AATF: variants seen among roughly 807,000 people sequenced by gnomAD.
The protein encoded by AATF is apoptosis antagonizing transcription factor, also known as protein AATF.
AATF carries 48 observed loss-of-function variants against 63.7 expected under a neutral mutation model. The observed-to-expected ratio is 0.75, with a 90% CI of 0.60 to 0.96. The LOEUF is 0.96. Among genes scored for constraint, AATF ranks in the 40% least tolerant of loss-of-function variants. AATF has a pLI of 0.00. For missense variants in AATF, 639 were observed against 685.7 expected (o/e 0.93, Z 0.76); for synonymous variants, 258 against 247.7 (o/e 1.04, Z -0.39).
intron 11 of AATF, among the ~76,000 whole-genome samples, chr17:37,047,064 A>G (rs1450335250): frequency 3.3e-5 from 5 of 152,210 alleles, no homozygotes; most frequent in Non-Finnish European, 7.3e-5. Flanking sequence ...AGAGCTCTGC[A>G]TCCCAGGTCC....
intron 9 of AATF, among the ~76,000 whole-genome samples, chr17:37,020,281 A>G (rs2071459175): frequency 6.6e-6 from 1 of 152,114 alleles, no homozygotes; most frequent in African/African-American, 2.4e-5. Context: ...GATAATAAAG[A>G]ATTATTGTTG....
chr17:37,017,197 C>G (rs912042786), intron 8 of AATF, among the ~76,000 whole-genome samples: 1 of 152,152 alleles, frequency 6.6e-6, no homozygotes, highest in African/African-American at 2.4e-5. Context: ...CTCAAGGGAT[C>G]TGAGAAAATT....
chr17:37,034,602 A>G (rs2071576260), intron 11 of AATF: 2 of 152,214 alleles, frequency 1.3e-5, no homozygotes, highest in African/African-American at 4.8e-5. Context: ...AGGACTTTAT[A>G]AGAATGACCA....
chr17:37,024,088 G>T (rs995274081), intron 10 of AATF, among the ~76,000 whole-genome samples: 10 of 152,096 alleles, frequency 6.6e-5, no homozygotes, highest in Non-Finnish European at 1.0e-4. Flanking sequence ...AAGTATTTTT[G>T]ATCCATGGTT....
chr17:37,001,446 AG>A (rs2071296360), intron 8 of AATF, among the ~76,000 whole-genome samples: 16 of 135,180 alleles, frequency 1.2e-4, no homozygotes, highest in African/African-American at 4.2e-4. Flanking sequence ...GAAGGAAGGA[AG>A]GAAGGAAGAA....
chr17:36,992,954 T>C (rs950930394), intron 8 of AATF, among the ~76,000 whole-genome samples: 2 of 152,200 alleles, frequency 1.3e-5, no homozygotes, highest in African/African-American at 2.4e-5. Context: ...TGACACTTGT[T>C]AATGTACAGC....
intron 8 of AATF, among the ~76,000 whole-genome samples, chr17:37,008,929 C>T (rs1396321687): frequency 2.1e-4 from 32 of 152,048 alleles, no homozygotes; most frequent in Admixed American, 2.1e-3. Flanking sequence ...AGTAAAAGGA[C>T]CAACTTAAAG....
chr17:36,950,688 G>A (rs912317731), intron 2 of AATF, among the ~76,000 whole-genome samples: 4 of 152,114 alleles, frequency 2.6e-5, no homozygotes, highest in African/African-American at 7.2e-5. Flanking sequence ...TAGTAGAGAC[G>A]GGGTTTGTCC....
At chr17:36,962,497 G>C (rs1298284167) in intron 4 of AATF, among the ~76,000 whole-genome samples, 1 of 152,096 alleles carries the variant, frequency 6.6e-6, no homozygotes, top group Non-Finnish European at 1.5e-5. Flanking sequence ...AATCTAGCTA[G>C]AAAATGCATT....
At chr17:36,964,034 A>G (rs1271068916) in intron 4 of AATF, among the ~76,000 whole-genome samples, 1 of 151,096 alleles carries the variant, frequency 6.6e-6, no homozygotes, top group African/African-American at 2.5e-5. Flanking sequence ...TAATTTTAAA[A>G]AAGAAACAAA....
chr17:37,037,896 T>C (rs1279826752), intron 11 of AATF, among the ~76,000 whole-genome samples: 4 of 152,174 alleles, frequency 2.6e-5, no homozygotes, highest in Non-Finnish European at 2.9e-5. Flanking sequence ...TAGCAGTGTG[T>C]GGCTTCTCCC....
At chr17:37,011,573 G>A (rs901052180) in intron 8 of AATF, among the ~76,000 whole-genome samples, 2 of 152,302 alleles carry the variant, frequency 1.3e-5, no homozygotes, top group African/African-American at 4.8e-5. Context: ...GTTCTTGGGG[G>A]AAACCCTGTG....
rs192909202 is a variant in AATF, at chr17:36,970,923, T to G, written c.833-15694T>G. On this transcript the variant is annotated intron_variant, in intron 4 of 11. Coordinates refer to ENST00000619387, the MANE Select transcript of AATF (RefSeq NM_012138.4). ...CTGTACCTCATACTTGATATAAAAA[T>G]TAACACAAGACAGTCAATTTATATT... Among the ~76,000 whole-genome samples, 19 of 152,188 alleles carry G rather than the reference T, an allele frequency of 1.2e-4. No homozygotes were observed. The East Asian group carries it at 3.7e-3, about 29-fold the overall frequency.
intron 11 of AATF, among the ~76,000 whole-genome samples, chr17:37,042,081 A>G (rs1418185672): frequency 2.6e-5 from 4 of 151,944 alleles, no homozygotes; most frequent in Non-Finnish European, 4.4e-5. Context: ...TATTATGGCT[A>G]TATTTATGGT....
chr17:36,951,938 T>C (rs959846391), intron 2 of AATF, among the ~76,000 whole-genome samples: 3 of 152,318 alleles, frequency 2.0e-5, no homozygotes, highest in Admixed American at 1.3e-4. Flanking sequence ...TTGAAACACA[T>C]GGGGCTTTTA....
At chr17:37,023,864 C>A (rs2071491776) in intron 10 of AATF, among the ~76,000 whole-genome samples, 1 of 151,858 alleles carries the variant, frequency 6.6e-6, no homozygotes, top group Non-Finnish European at 1.5e-5. Flanking sequence ...CCTGCAGAAA[C>A]CAAAATCCAC....
intron 4 of AATF, among the ~76,000 whole-genome samples, chr17:36,958,298 G>T (rs1208822057): frequency 6.6e-6 from 1 of 152,014 alleles, no homozygotes; most frequent in East Asian, 1.9e-4. Flanking sequence ...GGGTAGCTGG[G>T]ACTACAGGCG....
chr17:36,957,327 T>C (rs1024519984), intron 4 of AATF, among the ~76,000 whole-genome samples: 4 of 152,330 alleles, frequency 2.6e-5, no homozygotes, highest in Middle Eastern at 6.8e-3. Flanking sequence ...CATCTCACCA[T>C]GAATGTTAGG....
intron 4 of AATF, among the ~76,000 whole-genome samples, chr17:36,958,593 G>A (rs965217294): frequency 6.6e-6 from 1 of 152,136 alleles, no homozygotes; most frequent in Non-Finnish European, 1.5e-5. Flanking sequence ...TTCATTATGG[G>A]ATATATCAAA....
Sources: gnomAD v4.1 joint callset for allele counts (sites outside exome capture counted in the v4.1 genomes callset) on GRCh38, gnomAD v4.1.1 for gene constraint, MANE v1.5 for transcripts, NCBI Gene and HGNC (gene_info 2026-07-23, HGNC 2026-07-21) for gene names.